LHCGR: variants seen among roughly 807,000 people sequenced by gnomAD.
LHCGR encodes luteinizing hormone/choriogonadotropin receptor.
A neutral mutation model predicts 60.7 loss-of-function variants in LHCGR; 55 were observed. The ratio of observed to expected loss-of-function variants is 0.91; its 90% CI spans 0.73 to 1.13. The LOEUF (loss-of-function observed/expected upper bound fraction) is 1.13, where lower values mean the gene tolerates loss of function less well. Among genes scored for constraint, LHCGR ranks in the 50% most tolerant of loss-of-function variants. The probability of loss-of-function intolerance (pLI) is 0.00; values close to 1 mark genes in which losing one functional copy is unlikely to be tolerated. For missense variants in LHCGR, 862 were observed against 836.0 expected, an observed-to-expected ratio of 1.03 and a Z score of -0.38; for synonymous variants, 337 against 316.5, an observed-to-expected ratio of 1.06 and a Z score of -0.69.
At chr2:48,729,017 G>C in intron 3 of LHCGR, 136 bp downstream of exon 3, 1 of 778,918 alleles carries the variant, frequency 1.3e-6, no homozygotes, top group Non-Finnish European at 2.3e-6. Flanking sequence ...ATTAGTGCCT[G>C]CCCAGACCTA....
At chr2:48,703,101 C>T (rs1454008536) in intron 8 of LHCGR, among the ~76,000 whole-genome samples, 1 of 152,102 alleles carries the variant, frequency 6.6e-6, no homozygotes, top group Admixed American at 6.5e-5. Flanking sequence ...TATCCTTCGC[C>T]CATTTTTTGA....
chr2:48,703,079 A>G (rs1483883097), intron 8 of LHCGR, among the ~76,000 whole-genome samples: 1 of 152,188 alleles, frequency 6.6e-6, no homozygotes, highest in Non-Finnish European at 1.5e-5. Flanking sequence ...TCTTTTGAGA[A>G]GTGTCTGTTC....
At chr2:48,713,249 A>G (rs373406302) in intron 7 of LHCGR, among the ~76,000 whole-genome samples, 7 of 152,288 alleles carry the variant, frequency 4.6e-5, no homozygotes, top group African/African-American at 1.7e-4. Flanking sequence ...TTTATTTTCC[A>G]TAATTTTGGC....
intron 3 of LHCGR, among the ~76,000 whole-genome samples, chr2:48,727,763 C>G (rs1186515777): frequency 6.6e-6 from 1 of 152,260 alleles, no homozygotes; most frequent in Non-Finnish European, 1.5e-5. Context: ...CCTGGCTACA[C>G]TGTCATCTCA....
At chr2:48,699,506 T>G (rs1408619378) in intron 8 of LHCGR, among the ~76,000 whole-genome samples, 1 of 152,212 alleles carries the variant, frequency 6.6e-6, no homozygotes, top group East Asian at 1.9e-4. Context: ...GCTTTTGTGC[T>G]CTACCCCAGG....
chr2:48,753,305 CTT>C (rs1367596747), intron 1 of LHCGR, among the ~76,000 whole-genome samples: 2 of 152,220 alleles, frequency 1.3e-5, no homozygotes, highest in African/African-American at 4.8e-5. Flanking sequence ...ATGCACCTCT[CTT>C]GTCATATGGA....
At chr2:48,717,062 G>C (rs529419196) in intron 6 of LHCGR, among the ~76,000 whole-genome samples, 16 of 152,308 alleles carry the variant, frequency 1.1e-4, no homozygotes, top group African/African-American at 3.8e-4. Flanking sequence ...GGGCAAATCA[G>C]ATGGTCATTG....
At chr2:48,719,888 C>T (rs965532860) in intron 6 of LHCGR, among the ~76,000 whole-genome samples, 2 of 152,138 alleles carry the variant, frequency 1.3e-5, no homozygotes, top group Non-Finnish European at 2.9e-5. Flanking sequence ...CCTCTTTAAG[C>T]GTAATGCCCT....
At chr2:48,712,314 T>G (rs902730804) in intron 7 of LHCGR, among the ~76,000 whole-genome samples, 1 of 152,096 alleles carries the variant, frequency 6.6e-6, no homozygotes, top group Non-Finnish European at 1.5e-5. Flanking sequence ...CACTAGGACT[T>G]AATCATCTTC....
intron 8 of LHCGR, among the ~76,000 whole-genome samples, chr2:48,706,261 C>G (rs1406937976): frequency 4.6e-5 from 7 of 152,220 alleles, no homozygotes; most frequent in Admixed American, 2.0e-4. Flanking sequence ...GCTGACAGAT[C>G]AGCTGTTAGT....
rs1668121478 is a variant in LHCGR, at chr2:48,714,063, G to C, written c.537-9C>G. 2 of 1,605,222 alleles carry C rather than the reference G, an allele frequency of 1.2e-6. No homozygotes were observed. The highest frequency in any genetic ancestry group is 2.7e-5 in the African/African-American group (2 of 74,738). ...CATTTCCATATAGTTTGCTGAAGGA[G>C]GGAGGAGAGGGTTTAGGAATGGGAA... On this transcript the variant is annotated splice_polypyrimidine_tract_variant and intron_variant, in intron 6 of 10. Transcript: ENST00000294954.
chr2:48,717,522 T>C (rs1465274496), intron 6 of LHCGR, among the ~76,000 whole-genome samples: 1 of 150,072 alleles, frequency 6.7e-6, no homozygotes, highest in Non-Finnish European at 1.5e-5. Flanking sequence ...TGGAATACAA[T>C]AAATGCTTAA....
intron 8 of LHCGR, among the ~76,000 whole-genome samples, chr2:48,703,793 A>G (rs1179176713): frequency 6.6e-6 from 1 of 152,134 alleles, no homozygotes; most frequent in African/African-American, 2.4e-5. Context: ...TTGGGCGGAG[A>G]CGATAGGGTT....
chr2:48,753,208 C>G (rs948539361), intron 1 of LHCGR, among the ~76,000 whole-genome samples: 8 of 152,140 alleles, frequency 5.3e-5, no homozygotes, highest in African/African-American at 1.9e-4. Context: ...TGCAGTCTAA[C>G]ATTTCCCAGG....
intron 1 of LHCGR, among the ~76,000 whole-genome samples, chr2:48,746,877 G>C (rs887362984): frequency 1.3e-5 from 2 of 152,196 alleles, no homozygotes; most frequent in African/African-American, 4.8e-5. Flanking sequence ...CCTGGGGAAT[G>C]TCTGCCTCAC....
chr2:48,725,650 A>G (rs780452803), intron 4 of LHCGR, 26 bp downstream of exon 4: 93 of 1,561,138 alleles, frequency 6.0e-5, no homozygotes, highest in Admixed American at 8.3e-5. Context: ...CCCCTCCCCA[A>G]TTGCTTAAAA....
chr2:48,727,850 C>T (rs764954823), intron 3 of LHCGR, among the ~76,000 whole-genome samples: 17 of 152,242 alleles, frequency 1.1e-4, no homozygotes, highest in African/African-American at 3.1e-4. Context: ...TAGTTGCTCA[C>T]GTACTTACCA....
chr2:48,742,974 G>A (rs1669529846), intron 1 of LHCGR, among the ~76,000 whole-genome samples: 1 of 151,984 alleles, frequency 6.6e-6, no homozygotes, highest in Admixed American at 6.6e-5. Flanking sequence ...AAAGAGAGAA[G>A]AATCCAATAG....
intron 8 of LHCGR, among the ~76,000 whole-genome samples, chr2:48,708,082 A>T (rs1182291354): frequency 6.6e-6 from 1 of 152,158 alleles, no homozygotes; most frequent in Non-Finnish European, 1.5e-5. Flanking sequence ...TCAGTTGGAA[A>T]TGCAGAAATC....
Sources: allele counts gnomAD v4.1 joint callset (sites outside exome capture counted in the v4.1 genomes callset), GRCh38; gene constraint gnomAD v4.1.1; transcripts MANE v1.5; gene names NCBI Gene and HGNC (gene_info 2026-07-23, HGNC 2026-07-21).